Variants in TOMM34 observed in about 807,000 individuals in gnomAD.
TOMM34 encodes translocase of outer mitochondrial membrane 34.
A neutral mutation model predicts 37.4 loss-of-function variants in TOMM34; 24 were observed. The observed-to-expected ratio is 0.64, with a 90% CI of 0.46 to 0.90. The LOEUF is 0.90. Among genes scored for constraint, TOMM34 ranks in the 40% least tolerant of loss-of-function variants. The pLI is 0.00. For synonymous variants in TOMM34, 154 were observed against 148.9 expected (o/e 1.03, Z -0.25); for missense variants, 304 against 375.6 (o/e 0.81, Z 1.58).
At chr20:44,952,197 A>G (rs2067032735) in intron 3 of TOMM34, among the ~76,000 whole-genome samples, 195 bp from the exon 4 acceptor site, 1 of 152,244 alleles carries the variant, frequency 6.6e-6, no homozygotes, top group South Asian at 2.1e-4. Flanking sequence ...ATCAGTCCCC[A>G]TGACATTCCT....
At position 44,956,460 on chromosome 20, in the gene TOMM34, ACTTT is replaced by A; in HGVS notation, c.149_152del (p.Glu50ValfsTer12). 1.2e-6 allele frequency: 2 copies of A among 1,614,186 alleles called. No individual in the cohort carries two copies. The highest frequency in any genetic ancestry group is 1.7e-6 in the Non-Finnish European group (2 of 1,180,026). On this transcript the variant is annotated frameshift_variant, in exon 2 of 7. Coordinates refer to ENST00000372813, the MANE Select transcript of TOMM34 (RefSeq NM_006809.5). LOFTEE classifies it high-confidence loss of function. The stretch of plus-strand genomic sequence containing the variant: ...ATGCTGCTCGGTTGGAGTAGAGAAC[ACTTT>A]CTTCTTCTGGGTCTGAAGAACCTGC...
At chr20:44,956,874 A>G (rs868704993) in intron 1 of TOMM34, among the ~76,000 whole-genome samples, 2,503 of 123,034 alleles carry the variant, frequency 0.02, 67 homozygotes, top group African/African-American at 0.092. Context: ...AGAAAGAAAG[A>G]AAAAAAAAAA....
chr20:44,945,801 T>G (rs1201627031), intron 5 of TOMM34, among the ~76,000 whole-genome samples: 3 of 152,166 alleles, frequency 2.0e-5, no homozygotes, highest in African/African-American at 7.2e-5. Flanking sequence ...ATAAAATGGT[T>G]GTTGTAAATC....
At position 44,951,978 on chromosome 20, in the gene TOMM34, C is replaced by T. The variant is rs779344565; in HGVS notation, c.405G>A (p.Ser135=). The T allele has an allele frequency of 4.6e-5, 75 of 1,612,940 alleles. No homozygotes were observed. The East Asian group carries it at 1.0e-3, about 22-fold the overall frequency. The change falls in exon 4 of 7, where the codon TCG becomes TCA. Residue 135 remains serine, a synonymous_variant. Coordinates refer to ENST00000372813, the MANE Select transcript of TOMM34 (RefSeq NM_006809.5). ...GCTTCAGGCGCCACTCAGGCCCAAG[C>T]GAGTCCATGAGAGCTCTGGTCATTC... ...INRMTRALMD[S]LGPEWRLKLP...
At chr20:44,951,689 G>C (rs1297656105) in intron 4 of TOMM34, 144 bp downstream of exon 4, 2 of 989,330 alleles carry the variant, frequency 2.0e-6, no homozygotes, top group African/African-American at 3.3e-5. Flanking sequence ...GTCTCTAAGA[G>C]GTGAAGACTT....
At chr20:44,954,096 C>A (rs1383312239) in intron 3 of TOMM34, among the ~76,000 whole-genome samples, 2 of 152,178 alleles carry the variant, frequency 1.3e-5, no homozygotes, top group African/African-American at 4.8e-5. Context: ...TCTGGCTAAC[C>A]CCCTACCCCA....
Position 44,942,812 on chromosome 20 carries a change from T to G in TOMM34, c.*297A>C. On this transcript the variant is annotated 3_prime_UTR_variant, in exon 7 of 7. Coordinates refer to ENST00000372813, the MANE Select transcript of TOMM34 (RefSeq NM_006809.5). ...AGGACAAAGCCAAATGCTTTGCTGA[T>G]GAGGATCTGTTGGTGTGATCAGCTA... is the stretch of plus-strand genomic sequence containing the variant. 1 of 469,614 alleles carries G rather than the reference T, an allele frequency of 2.1e-6. No homozygotes were observed. Among genetic ancestry groups the G allele is most frequent in the Non-Finnish European group, 3.8e-6 (1 of 261,012 alleles). The allele number at this position is 469,614 out of a possible 1,614,324, so 29.1% of individuals were successfully genotyped here.
At chr20:44,956,592 G>T in intron 1 of TOMM34, 107 bp from the exon 2 acceptor site, 1 of 1,037,220 alleles carries the variant, frequency 9.6e-7, no homozygotes, top group Non-Finnish European at 1.5e-6. Flanking sequence ...TAAGGCAGTA[G>T]AGATAACTAT....
chr20:44,956,288 T>G (rs2067072081), intron 2 of TOMM34, 98 bp downstream of exon 2: 1 of 1,170,014 alleles, frequency 8.5e-7, no homozygotes, highest in Non-Finnish European at 1.2e-6. Flanking sequence ...GTCCCAGATG[T>G]AATTGATGGG....
Position 44,948,720 on chromosome 20 carries a change from T to C in TOMM34, c.698+10A>G, listed in dbSNP as rs776666824. ...GAAATGCCCCAGGCCAGCAGCTGTA[T>C]AGGAGATACCTGTTGCTGTACGTGG... On this transcript the variant is annotated intron_variant, in intron 5 of 6. Transcript: ENST00000372813. 4.3e-6 allele frequency: 7 copies of C among 1,614,124 alleles called. No individual in the cohort carries two copies. The South Asian group carries it at 5.5e-5, about 13-fold the overall frequency.
chr20:44,951,366 A>G (rs998557475), intron 4 of TOMM34, among the ~76,000 whole-genome samples: 6 of 152,206 alleles, frequency 3.9e-5, no homozygotes, highest in African/African-American at 9.7e-5. Context: ...TAAAGCTGTG[A>G]TAAGTACAGA....
At chr20:44,950,086 G>A (rs1431618817) in intron 4 of TOMM34, among the ~76,000 whole-genome samples, 1 of 152,122 alleles carries the variant, frequency 6.6e-6, no homozygotes, top group Non-Finnish European at 1.5e-5. Flanking sequence ...AGTCTTCTAC[G>A]AACATTTGTG....
At chr20:44,945,492 A>G (rs2066972744) in intron 5 of TOMM34, among the ~76,000 whole-genome samples, 1 of 152,130 alleles carries the variant, frequency 6.6e-6, no homozygotes, top group South Asian at 2.1e-4. Flanking sequence ...CTCTGGAAAC[A>G]CTCGCTCTTG....
chr20:44,948,865 CCAG>C lies in TOMM34; in HGVS notation c.560_562del (p.Ala187del), dbSNP rs752470386. The C allele has an allele frequency of 3.7e-6, 6 of 1,613,880 alleles. No homozygotes were observed. The South Asian group carries it at 5.5e-5, about 15-fold the overall frequency. On this transcript the variant is annotated inframe_deletion, in exon 5 of 7. Coordinates refer to ENST00000372813, the MANE Select transcript of TOMM34 (RefSeq NM_006809.5). The stretch of plus-strand genomic sequence containing the variant: ...CAGAACTCTGGCTTTCTCCACATCC[CCAG>C]CAGAAGGCACTAGATACAAATTCAG...
chr20:44,957,843 G>T (rs1712382594), intron 1 of TOMM34, among the ~76,000 whole-genome samples: 1 of 151,968 alleles, frequency 6.6e-6, no homozygotes, highest in Non-Finnish European at 1.5e-5. Context: ...GAGTCCCACT[G>T]TGTTGCCCAG....
intron 3 of TOMM34, among the ~76,000 whole-genome samples, chr20:44,954,656 C>T (rs2067054937): frequency 6.6e-6 from 1 of 152,188 alleles, no homozygotes; most frequent in African/African-American, 2.4e-5. Flanking sequence ...ACCATGTCCA[C>T]AAACCATATC....
Position 44,947,503 on chromosome 20 carries a change from C to T in TOMM34, c.698+1227G>A, listed in dbSNP as rs181676341. 3.3e-4 allele frequency among the ~76,000 whole-genome samples: 50 copies of T among 152,126 alleles called. No homozygotes were observed. In the East Asian group the frequency reaches 9.5e-3, roughly 29 times the overall value. ...TATTACCTCACTAAAATGGAAAACA[C>T]TTCTTTTTTTTTTGTGACAGAGTCT... On this transcript the variant is annotated intron_variant, in intron 5 of 6. Transcript: ENST00000372813.
Position 44,943,563 on chromosome 20 carries a change from C to T in TOMM34, c.715G>A (p.Val239Ile), listed in dbSNP as rs147321169. ...TYSNRALCYL[V>I]LKQYTEAVKD... ...ACTGCTTCTGTGTACTGCTTCAGGA[C>T]CAAATAGCAGAGTGCTCTGAAGGGA... The change falls in exon 6 of 7, where the codon GTC becomes ATC. Residue 239 changes from valine to isoleucine, a missense_variant. Transcript: ENST00000372813. The T allele has an allele frequency of 1.2e-6, 2 of 1,614,002 alleles. No homozygotes were observed. Among genetic ancestry groups the T allele is most frequent in the African/African-American group, 2.7e-5 (2 of 74,904 alleles).
chr20:44,942,875 C>A lies in TOMM34; in HGVS notation c.*234G>T. 1.7e-6 allele frequency: 1 copy of A among 582,008 alleles called. No homozygotes were observed. The allele number at this position is 582,008 out of a possible 1,614,324, so 36.1% of individuals were successfully genotyped here. ...GAATAGGGACAGAGCTTCAGCTTCA[C>A]GCTTAGCTCTAGTGGGGACCTTTCT... On this transcript the variant is annotated 3_prime_UTR_variant, in exon 7 of 7. Coordinates refer to ENST00000372813, the MANE Select transcript of TOMM34 (RefSeq NM_006809.5).
Sources: allele counts gnomAD v4.1 joint callset (sites outside exome capture counted in the v4.1 genomes callset), GRCh38; gene constraint gnomAD v4.1.1; transcripts MANE v1.5; gene names NCBI Gene and HGNC (gene_info 2026-07-23, HGNC 2026-07-21).